Variants in ART5 observed in about 807,000 individuals in gnomAD.
ART5 encodes the protein ADP-ribosyltransferase 5, also known as ecto-ADP-ribosyltransferase 5.
A neutral mutation model predicts 25.0 loss-of-function variants in ART5; 22 were observed. The observed-to-expected ratio is 0.88, with a 90% CI of 0.63 to 1.26. ART5 has a LOEUF of 1.26. Ranked by LOEUF, ART5 falls within the 50% of genes most tolerant of loss-of-function variation. The pLI is 0.00. For missense variants in ART5, 402 were observed against 372.8 expected, an observed-to-expected ratio of 1.08 and a Z score of -0.64; for synonymous variants, 161 against 154.8, an observed-to-expected ratio of 1.04 and a Z score of -0.30.
Position 3,639,765 on chromosome 11 carries a change from C to A in ART5, c.664G>T (p.Val222Leu), listed in dbSNP as rs758591505. 6.2e-7 allele frequency: 1 copy of A among 1,614,156 alleles called. No homozygotes were observed. The highest frequency in any genetic ancestry group is 8.5e-7 in the Non-Finnish European group (1 of 1,180,034). Residue 222 changes from valine to leucine, a missense_variant, in exon 2 of 4, where the codon GTG becomes TTG. Transcript: ENST00000397068. ...AFSVFPKERE[V>L]LIPPHEVFLV... Reference sequence around the variant, plus strand: ...AAGACTTCATGGGGGGGAATCAGCACCTCGCGCTCCTTGGGAAAGACAGAG... The same window carrying A: ...AAGACTTCATGGGGGGGAATCAGCAACTCGCGCTCCTTGGGAAAGACAGAG...
chr11:3,641,991 T>A lies in ART5; in HGVS notation c.-129A>T, dbSNP rs1589909386. 1.2e-5 allele frequency: 4 copies of A among 327,734 alleles called. No homozygotes were observed. 20.3% of individuals were successfully genotyped at this position (327,734 alleles called of 1,614,324 possible). On this transcript the variant is annotated 5_prime_UTR_variant, in exon 1 of 4. Coordinates refer to ENST00000397068, the MANE Select transcript of ART5 (RefSeq NM_053017.5). ...GGCGCACGGGATCCCGGGTCCAGGA[T>A]TAGGGCCCCGGCGGGGCGTGGGCGG...
At position 3,639,684 on chromosome 11, in the gene ART5, A is replaced by G. The variant is rs2271589; in HGVS notation, c.745T>C (p.Tyr249His). 0.047 allele frequency: 76,295 copies of G among 1,613,694 alleles called. 3,621 individuals are homozygous for G. The highest frequency in any genetic ancestry group is 0.25 in the African/African-American group (18,636 of 74,924). Residue 249 changes from tyrosine (Y) to histidine (H), a missense_variant, in exon 2 of 4, where the codon TAT becomes CAT. Transcript: ENST00000397068. ...GAQSLVTLWSYNQTCSHFNCA... is the reference protein window; with the variant it reads ...GAQSLVTLWSHNQTCSHFNCA... ...TTAAAATGGCTACAGGTCTGATTAT[A>G]GCTCCAGAGAGTCACCAAGCTCTGG...
At chr11:3,640,721 C>A (rs929643785) in intron 1 of ART5, among the ~76,000 whole-genome samples, 4 of 152,010 alleles carry the variant, frequency 2.6e-5, no homozygotes, top group Non-Finnish European at 5.9e-5. Flanking sequence ...CTGTGCATGC[C>A]ACCATGCCTG....
At position 3,639,995 on chromosome 11, in the gene ART5, C is replaced by A; in HGVS notation, c.434G>T (p.Arg145Leu). The A allele has an allele frequency of 6.2e-7, 1 of 1,614,154 alleles. No homozygotes were observed. Among genetic ancestry groups the A allele is most frequent in the Non-Finnish European group, 8.5e-7 (1 of 1,180,038 alleles). The change falls in exon 2 of 4, where the codon CGA (arginine) becomes CTA (leucine). Residue 145 changes from arginine to leucine, a missense_variant. Physicochemically the swap from Arg to Leu is moderately radical, Grantham distance 102 (BLOSUM62 -2). Transcript: ENST00000397068. ...TCCCCTGCTGCAGCCCCCACTGCCT[C>A]GCAGCAGCTGCAGGGCCCGGATCAG... ...FYLIRALQLL[R>L]GSGGCSRGPG... is the part of the protein sequence containing the mutation.
Position 3,640,200 on chromosome 11 carries a change from C to T in ART5, c.229G>A (p.Asp77Asn), listed in dbSNP as rs758940112. ...SWEAAQETWE[D>N]KRRGLTLPPG... ...GGCAAGGTAAGCCCTCGACGCTTGT[C>T]CTCCCAGGTCTCCTGGGCTGCCTCC... The change falls in exon 2 of 4, where the codon GAC becomes AAC. Residue 77 changes from aspartate (D) to asparagine (N), a missense_variant. Coordinates refer to ENST00000397068, the MANE Select transcript of ART5 (RefSeq NM_053017.5). 1 of 1,613,934 alleles carries T rather than the reference C, an allele frequency of 6.2e-7. No individual in the cohort carries two copies. Among genetic ancestry groups the T allele is most frequent in the East Asian group, 2.2e-5 (1 of 44,878 alleles).
At chr11:3,640,573 T>C (rs1024886874) in intron 1 of ART5, among the ~76,000 whole-genome samples, 5 of 22,052 alleles carry the variant, frequency 2.3e-4, no homozygotes, top group African/African-American at 5.2e-4. Flanking sequence ...AAATCTTTTT[T>C]TTTTTTTTTT....
chr11:3,642,074 C>A, upstream of ART5: 2 of 1,416,150 alleles, frequency 1.4e-6, no homozygotes, highest in Non-Finnish European at 1.8e-6. Flanking sequence ...ACTCCCCACA[C>A]CCCTTCCTCA....
At chr11:3,642,166 C>T, upstream of ART5, 5 of 1,256,514 alleles carry the variant, frequency 4.0e-6, no homozygotes, top group Non-Finnish European at 5.0e-6. Flanking sequence ...GGGCCGGGGG[C>T]GGAGGACCCA....
At chr11:3,642,213 C>G (rs983968356), upstream of ART5, 10 of 1,159,094 alleles carry the variant, frequency 8.6e-6, no homozygotes, top group Admixed American at 4.1e-4. Context: ...GGAGGGAGCG[C>G]CGAGGGCTCT....
At chr11:3,642,241 C>T (rs1043280592), upstream of ART5, 10 of 1,103,952 alleles carry the variant, frequency 9.1e-6, no homozygotes, top group South Asian at 3.3e-5. Context: ...GCTGCGCTGT[C>T]CCCGGAGGAG....
At position 3,638,747 on chromosome 11, in the gene ART5, C is replaced by CT; in HGVS notation, c.866dup (p.Gln290AlafsTer55). 3 of 1,614,178 alleles carry CT rather than the reference C, an allele frequency of 1.9e-6. No individual in the cohort carries two copies. Among genetic ancestry groups the CT allele is most frequent in the Non-Finnish European group, 2.5e-6 (3 of 1,180,026 alleles). ...ACCATGTTCTTGCTTCTCAAGGCTG[C>CT]TGGAGGTGCCTCTTCGTCATATGAA... On this transcript the variant is annotated frameshift_variant, in exon 4 of 4. Coordinates refer to ENST00000397068, the MANE Select transcript of ART5 (RefSeq NM_053017.5). LOFTEE classifies it high-confidence loss of function.
rs552922127 is a variant in ART5, at chr11:3,638,708, G to A, written c.*30C>T. 6.2e-7 allele frequency: 1 copy of A among 1,614,062 alleles called. No individual in the cohort carries two copies. The highest frequency in any genetic ancestry group is 1.1e-5 in the South Asian group (1 of 91,070). ...ATCCTGGTTGGGGAGAAGGCTGCTAGGGCTGGGTCCGGAACCATGTTCTTG... is the reference window on the plus strand; with the variant it reads ...ATCCTGGTTGGGGAGAAGGCTGCTAAGGCTGGGTCCGGAACCATGTTCTTG... On this transcript the variant is annotated 3_prime_UTR_variant, in exon 4 of 4. Coordinates refer to ENST00000397068, the MANE Select transcript of ART5 (RefSeq NM_053017.5).
At position 3,639,616 on chromosome 11, in the gene ART5, T is replaced by C. The variant is rs748174487; in HGVS notation, c.787+26A>G. 6 of 1,581,532 alleles carry C rather than the reference T, an allele frequency of 3.8e-6. No homozygotes were observed. In the East Asian group the frequency reaches 1.3e-4, roughly 35 times the overall value. ...TGGCTTATTTCACCCACACTGCCAGTCCTGCTTCCCCCATGCACAGCTTAC... is the reference window on the plus strand; with the variant it reads ...TGGCTTATTTCACCCACACTGCCAGCCCTGCTTCCCCCATGCACAGCTTAC... On this transcript the variant is annotated intron_variant, in intron 2 of 3. Transcript: ENST00000397068.
intron 1 of ART5, 34 bp from the exon 2 acceptor site, chr11:3,640,405 G>A: frequency 6.4e-7 from 1 of 1,551,120 alleles, no homozygotes; most frequent in Non-Finnish European, 8.7e-7. Context: ...ACCGAAAAGA[G>A]CATAAGTTCA....
chr11:3,641,678 G>C, intron 1 of ART5, 128 bp downstream of exon 1: 2 of 1,474,644 alleles, frequency 1.4e-6, no homozygotes, highest in Admixed American at 2.1e-5. Flanking sequence ...GAGAGGAAGA[G>C]AGTTAAGAGT....
chr11:3,641,688 T>G, intron 1 of ART5, 118 bp downstream of exon 1: 1 of 1,492,454 alleles, frequency 6.7e-7, no homozygotes, highest in Non-Finnish European at 9.0e-7. Flanking sequence ...GAGTTAAGAG[T>G]GGAATCCTAG....
At chr11:3,640,714 T>G (rs1160155855) in intron 1 of ART5, among the ~76,000 whole-genome samples, 1 of 151,962 alleles carries the variant, frequency 6.6e-6, no homozygotes, top group African/African-American at 2.4e-5. Context: ...GGATTACCTG[T>G]GCATGCCACC....
intron 2 of ART5, among the ~76,000 whole-genome samples, chr11:3,639,344 G>A (rs1342836651): frequency 1.3e-5 from 2 of 152,130 alleles, no homozygotes; most frequent in Non-Finnish European, 2.9e-5. Context: ...CAGTCCCCTT[G>A]GCTCTTTCTG....
At chr11:3,642,324 T>TC, upstream of ART5, 1 of 995,488 alleles carries the variant, frequency 1.0e-6, no homozygotes, top group Non-Finnish European at 1.2e-6. Flanking sequence ...GACACCCCTT[T>TC]CCCAGCGCCG....
Sources: gnomAD v4.1 joint callset for allele counts (sites outside exome capture counted in the v4.1 genomes callset) on GRCh38, gnomAD v4.1.1 for gene constraint, MANE v1.5 for transcripts, NCBI Gene and HGNC (gene_info 2026-07-23, HGNC 2026-07-21) for gene names.